Variants in PATJ observed in about 807,000 individuals in gnomAD.
PATJ encodes the protein inaD-like protein.
Under a neutral mutation model 224.9 loss-of-function variants are expected in PATJ, and 190 were observed. The observed-to-expected ratio is 0.84, with a 90% CI of 0.75 to 0.95. The LOEUF is 0.95. Ranked by LOEUF, PATJ falls within the 40% of genes least tolerant of loss-of-function variation. The pLI, the probability that PATJ is intolerant of heterozygous loss-of-function variation, is 0.00. For synonymous variants in PATJ, 769 were observed against 820.3 expected (o/e 0.94, Z 1.07); for missense variants, 2,121 against 2,270.3 (o/e 0.93, Z 1.34).
intron 25 of PATJ, among the ~76,000 whole-genome samples, chr1:61,912,483 A>G (rs1307737385): frequency 1.3e-5 from 2 of 151,606 alleles, no homozygotes; most frequent in African/African-American, 2.4e-5. Flanking sequence ...AACCTCAGCT[A>G]CTTGGGAATG....
rs1679494046 is a variant in PATJ, at chr1:61,950,573, A to G, written c.3670+22744A>G. Among the ~76,000 whole-genome samples the G allele has an allele frequency of 2.6e-5, 4 of 152,330 alleles. No homozygotes were observed. The South Asian group carries it at 8.3e-4, about 32-fold the overall frequency. ...GTTGTGGACTCTGTAGTTGATCTCT[A>G]CCTTGCCAATAGGTGTCACTACAAT... On this transcript the variant is annotated intron_variant, in intron 27 of 43. Coordinates refer to ENST00000642238, the MANE Select transcript of PATJ (RefSeq NM_001350145.3).
intron 17 of PATJ, among the ~76,000 whole-genome samples, chr1:61,840,163 T>C (rs1159858318): frequency 6.6e-6 from 1 of 152,074 alleles, no homozygotes; most frequent in Non-Finnish European, 1.5e-5. Flanking sequence ...TAGTTTTGAC[T>C]GCCTATTAAC....
intron 5 of PATJ, among the ~76,000 whole-genome samples, 199 bp downstream of exon 5, chr1:61,769,621 C>A (rs1646485557): frequency 6.6e-6 from 1 of 152,154 alleles, no homozygotes; most frequent in Non-Finnish European, 1.5e-5. Context: ...TAGGTATCAT[C>A]ATTCCATTCT....
chr1:61,862,194 G>A (rs1043199285), intron 19 of PATJ, among the ~76,000 whole-genome samples: 6 of 149,966 alleles, frequency 4.0e-5, no homozygotes, highest in African/African-American at 1.5e-4. Flanking sequence ...ATATATAGTT[G>A]TTGTTGTTAT....
intron 1 of PATJ, among the ~76,000 whole-genome samples, chr1:61,752,614 C>T (rs1234338857): frequency 6.6e-6 from 1 of 152,212 alleles, no homozygotes; most frequent in Non-Finnish European, 1.5e-5. Context: ...GGGTGAGCCA[C>T]CGCGCCTGGC....
Position 62,061,993 on chromosome 1 carries a change from A to T in PATJ, c.4125+10935A>T, listed in dbSNP as rs192832627. Among the ~76,000 whole-genome samples, 5 of 152,294 alleles carry T rather than the reference A, an allele frequency of 3.3e-5. No individual in the cohort carries two copies. The East Asian group carries it at 9.7e-4, about 29-fold the overall frequency. On this transcript the variant is annotated intron_variant, in intron 31 of 43. Coordinates refer to ENST00000642238, the MANE Select transcript of PATJ (RefSeq NM_001350145.3). ...ATTTTCTTTATACAGTCCACTGTTG[A>T]TGGGCACCCAGGTTGATATCATGTC...
At chr1:61,969,732 C>T (rs1054945142) in intron 27 of PATJ, among the ~76,000 whole-genome samples, 5 of 152,100 alleles carry the variant, frequency 3.3e-5, no homozygotes, top group African/African-American at 9.7e-5. Context: ...CTCCCTCTGT[C>T]GCTCAGGCTG....
In PATJ at chr1:61,763,176, TC is replaced by T. The variant is rs758167861; in HGVS notation, c.187del (p.Gln63AsnfsTer21). On this transcript the variant is annotated frameshift_variant and splice_region_variant, in exon 3 of 44. Coordinates refer to ENST00000642238, the MANE Select transcript of PATJ (RefSeq NM_001350145.3). LOFTEE classifies it high-confidence loss of function. Reference sequence around the variant, plus strand: ...AGCAGTCCATCAAGCAACTGAAGGGTCAAGTAAGTTACCCATCAGAGTTTTA... The same window carrying T: ...AGCAGTCCATCAAGCAACTGAAGGGTAAGTAAGTTACCCATCAGAGTTTTA... Reference protein sequence around the residue: ...LQQSIKQLKGQLNHIPSDCSA... With the variant: ...LQQSIKQLKGXLNHIPSDCSA... The T allele has an allele frequency of 6.4e-7, 1 of 1,558,506 alleles. No homozygotes were observed. The highest frequency in any genetic ancestry group is 8.7e-7 in the Non-Finnish European group (1 of 1,153,658).
rs139621413 is a variant in PATJ, at chr1:61,964,527, G to A, written c.3671-25641G>A. Among the ~76,000 whole-genome samples the A allele has an allele frequency of 4.6e-4, 70 of 152,228 alleles. No individual in the cohort carries two copies. In the East Asian group the frequency reaches 0.011, roughly 25 times the overall value. On this transcript the variant is annotated intron_variant, in intron 27 of 43. Transcript: ENST00000642238. ...TTTAAGGCTGGGTGCAGTGGCTCAC[G>A]CCTGTAATCCCAGAGCTTTGGGAGG... is the stretch of plus-strand genomic sequence containing the variant.
intron 7 of PATJ, among the ~76,000 whole-genome samples, chr1:61,784,452 C>T (rs1648063799): frequency 6.6e-6 from 1 of 152,158 alleles, no homozygotes; most frequent in South Asian, 2.1e-4. Flanking sequence ...TATTTTTGTA[C>T]TTATGAATTC....
At chr1:61,951,598 C>G (rs1185471036) in intron 27 of PATJ, among the ~76,000 whole-genome samples, 1 of 152,026 alleles carries the variant, frequency 6.6e-6, no homozygotes, top group Non-Finnish European at 1.5e-5. Flanking sequence ...TTTAAGAAAT[C>G]TCAACCATTT....
At chr1:62,011,210 A>G (rs147009760) in intron 28 of PATJ, among the ~76,000 whole-genome samples, 21 of 152,332 alleles carry the variant, frequency 1.4e-4, no homozygotes, top group African/African-American at 5.1e-4. Context: ...TTGCATTCAC[A>G]ACTTGGCTAA....
chr1:62,161,013 A>C lies in PATJ; in HGVS notation c.5608A>C (p.Lys1870Gln). 1 of 1,606,876 alleles carries C rather than the reference A, an allele frequency of 6.2e-7. No homozygotes were observed. The highest frequency in any genetic ancestry group is 8.5e-7 in the Non-Finnish European group (1 of 1,176,940). The change falls in exon 44 of 44, where the codon AAA becomes CAA. Residue 1870 changes from lysine (K) to glutamine (Q), a missense_variant. Lys to Gln is a moderately conservative substitution (Grantham distance 53). Coordinates refer to ENST00000642238, the MANE Select transcript of PATJ (RefSeq NM_001350145.3). The part of the protein sequence containing the change: ...VTHEQAVAIL[K>Q]HQRGTVTLTV... The stretch of plus-strand genomic sequence containing the variant: ...TCATGAGCAAGCAGTCGCCATTCTA[A>C]AACACCAGAGAGGGACTGTAACCTT...
At chr1:61,992,096 T>A (rs1337043696) in intron 28 of PATJ, among the ~76,000 whole-genome samples, 2 of 151,484 alleles carry the variant, frequency 1.3e-5, no homozygotes, top group Non-Finnish European at 2.9e-5. Flanking sequence ...CACTAAAGTA[T>A]ACTATGTTCC....
chr1:61,845,208 C>T lies in PATJ; in HGVS notation c.2113-10822C>T, dbSNP rs372454107. On this transcript the variant is annotated intron_variant, in intron 17 of 43. Transcript: ENST00000642238. The stretch of plus-strand genomic sequence containing the variant: ...GACTGATAAAATCTTCTACAACCTC[C>T]AGGCTGTAGGTCCTGTAATCATCCT... Among the ~76,000 whole-genome samples, 19 of 152,232 alleles carry T rather than the reference C, an allele frequency of 1.2e-4. No homozygotes were observed. In the South Asian group the frequency reaches 1.7e-3, roughly 13 times the overall value.
At chr1:62,141,190 G>A (rs1467695949) in intron 41 of PATJ, among the ~76,000 whole-genome samples, 1 of 152,040 alleles carries the variant, frequency 6.6e-6, no homozygotes, top group African/African-American at 2.4e-5. Context: ...CCTCACACAA[G>A]GTGATTTGCC....
chr1:61,863,359 C>T (rs980374253), intron 19 of PATJ, among the ~76,000 whole-genome samples: 1 of 152,048 alleles, frequency 6.6e-6, no homozygotes, highest in Admixed American at 6.6e-5. Context: ...TTAAAAGCTT[C>T]ACTACAATGA....
chr1:61,794,934 A>C (rs1041512133), intron 9 of PATJ, among the ~76,000 whole-genome samples: 2 of 152,016 alleles, frequency 1.3e-5, no homozygotes, highest in African/African-American at 4.8e-5. Flanking sequence ...GTGAGCTGAG[A>C]TCGTGCCATT....
intron 33 of PATJ, among the ~76,000 whole-genome samples, chr1:62,106,158 G>GTGTGTGTGTATATATATATATATATA (rs1356937495): frequency 2.1e-5 from 1 of 48,062 alleles, no homozygotes; most frequent in Non-Finnish European, 4.4e-5. Context: ...GTGTGTGTGT[G>GTGTGTGTGTATATATATATATATATA]TATATATATA....
Sources: allele counts gnomAD v4.1 joint callset (sites outside exome capture counted in the v4.1 genomes callset), GRCh38; gene constraint gnomAD v4.1.1; transcripts MANE v1.5; gene names NCBI Gene and HGNC (gene_info 2026-07-23, HGNC 2026-07-21).